The following SLC38A10 variants were observed in gnomAD, a reference collection of about 807,000 sequenced individuals.
SLC38A10 encodes Sodium-coupled neutral amino acid transporter 10.
Under a neutral mutation model 81.0 loss-of-function variants are expected in SLC38A10, and 53 were observed. That is an observed-to-expected ratio of 0.65 (90% CI 0.53 to 0.82). The LOEUF is 0.82. Ranked by LOEUF, SLC38A10 falls within the 40% of genes least tolerant of loss-of-function variation. SLC38A10 has a pLI of 0.00. For synonymous variants in SLC38A10, 665 were observed against 655.3 expected (o/e 1.01, Z -0.23); for missense variants, 1,471 against 1,545.0 (o/e 0.95, Z 0.80).
At chr17:81,278,482 C>G (rs561729370) in intron 6 of SLC38A10, among the ~76,000 whole-genome samples, 3 of 152,174 alleles carry the variant, frequency 2.0e-5, no homozygotes, top group African/African-American at 2.4e-5. Flanking sequence ...CCCATCAGGC[C>G]GCCCTCAGCA....
rs1165646055 is a variant in SLC38A10 at position 81,246,965 on chromosome 17, T to C, written c.2162A>G (p.Lys721Arg). The change falls in exon 15 of 16, where the codon AAG becomes AGG. Residue 721 changes from lysine to arginine, a missense_variant. Transcript: ENST00000374759. ...CTGCTCCTCGATCACCGCCAGCAGC[T>C]TCTCCTGCTGGTCCAGCAAGCGCTT... ...QQKRLLDQQE[K>R]LLAVIEEQHK... 1 of 1,607,320 alleles carries C rather than the reference T, an allele frequency of 6.2e-7. No homozygotes were observed. The highest frequency in any genetic ancestry group is 2.2e-5 in the East Asian group (1 of 44,882).
Position 81,251,293 on chromosome 17 carries a change from A to C in SLC38A10, c.2065+200T>G, listed in dbSNP as rs746722180. 1.9e-6 allele frequency: 3 copies of C among 1,612,852 alleles called. No homozygotes were observed. The South Asian group carries it at 3.3e-5, about 18-fold the overall frequency. On this transcript the variant is annotated intron_variant, in intron 14 of 15. Coordinates refer to ENST00000374759, the MANE Select transcript of SLC38A10 (RefSeq NM_001037984.3). ...GCAGGTGTTTAAAGGGGAGTAAGGCAGATAAAAGGTTCCCAGAAAGCAAGC... is the reference window on the plus strand; with the variant it reads ...GCAGGTGTTTAAAGGGGAGTAAGGCCGATAAAAGGTTCCCAGAAAGCAAGC...
chr17:81,249,277 A>G (rs1168852564), intron 14 of SLC38A10, among the ~76,000 whole-genome samples: 7 of 31,150 alleles, frequency 2.2e-4, no homozygotes, highest in African/African-American at 1.7e-3. Context: ...AGGAGGAGGA[A>G]GGAGGGAAGA....
rs762295813 is a variant in SLC38A10 at position 81,245,941 on chromosome 17, TC to T, written c.2974del (p.Asp992ThrfsTer50). 6 of 1,607,412 alleles carry T rather than the reference TC, an allele frequency of 3.7e-6. No individual in the cohort carries two copies. The highest frequency in any genetic ancestry group is 1.7e-5 in the Admixed American group (1 of 59,650). On this transcript the variant is annotated frameshift_variant, in exon 16 of 16. Coordinates refer to ENST00000374759, the MANE Select transcript of SLC38A10 (RefSeq NM_001037984.3). LOFTEE classifies it low-confidence loss of function (END_TRUNC). ...HLEMRKARGG[D>X]HVPVSHEQPR... is the part of the protein sequence containing the mutation. Reference sequence around the variant, plus strand: ...CTGCTCGTGGGACACAGGCACATGGTCCCCCCCGCGGGCCTTTCTCATCTCC... The same window carrying T: ...CTGCTCGTGGGACACAGGCACATGGTCCCCCCGCGGGCCTTTCTCATCTCC...
In SLC38A10 at chr17:81,253,127, G is replaced by A. The variant is rs761520901; in HGVS notation, c.1402C>T (p.Arg468Trp). 1.5e-5 allele frequency: 24 copies of A among 1,613,718 alleles called. No homozygotes were observed. Among genetic ancestry groups the A allele is most frequent in the Admixed American group, 3.3e-5 (2 of 59,996 alleles). ...QIKGPVDVPGREDGKEAPEEA... is the reference protein window; with the variant it reads ...QIKGPVDVPGWEDGKEAPEEA... The stretch of plus-strand genomic sequence containing the variant: ...TCCGGTGCCTCCTTGCCATCTTCCC[G>A]TCCAGGCACATCCACGGGCCCCTTG... Residue 468 changes from arginine (R) to tryptophan (W), a missense_variant, in exon 12 of 16, where the codon CGG becomes TGG. Arg to Trp is a moderately radical substitution (Grantham distance 101). Coordinates refer to ENST00000374759, the MANE Select transcript of SLC38A10 (RefSeq NM_001037984.3). The surrounding 1 kb of genome is among the most constrained non-coding windows in gnomAD (Gnocchi z 4.1).
chr17:81,250,453 A>G (rs2062900173), intron 14 of SLC38A10, among the ~76,000 whole-genome samples: 1 of 152,210 alleles, frequency 6.6e-6, no homozygotes, highest in Non-Finnish European at 1.5e-5. Context: ...ATGCGCGGGC[A>G]GGAAGCGTGT....
At chr17:81,284,925 C>A in intron 2 of SLC38A10, 30 bp from the exon 3 acceptor site, 1 of 1,535,194 alleles carries the variant, frequency 6.5e-7, no homozygotes, top group Non-Finnish European at 8.8e-7. Context: ...AACACTCAAT[C>A]CAACAGCGTG....
chr17:81,271,918 G>A (rs1306297625), intron 9 of SLC38A10, among the ~76,000 whole-genome samples: 3 of 151,822 alleles, frequency 2.0e-5, no homozygotes, highest in South Asian at 2.1e-4. Flanking sequence ...TAGTAGAGAC[G>A]GGGTTTCACC....
rs1002734560 is a variant in SLC38A10 at position 81,276,325 on chromosome 17, C to A, written c.730-174G>T. On this transcript the variant is annotated intron_variant, in intron 7 of 15. Coordinates refer to ENST00000374759, the MANE Select transcript of SLC38A10 (RefSeq NM_001037984.3). The surrounding 1 kb of genome is among the most constrained non-coding windows in gnomAD (Gnocchi z 4.7). Reference sequence around the variant, plus strand: ...GCCTTCCAGGGGCAAGGCACCATTTCGCCTCCTCCTTCTAAAAATCTCTAG... The same window carrying A: ...GCCTTCCAGGGGCAAGGCACCATTTAGCCTCCTCCTTCTAAAAATCTCTAG... 2.0e-5 allele frequency among the ~76,000 whole-genome samples: 3 copies of A among 152,078 alleles called. No homozygotes were observed. Among genetic ancestry groups the A allele is most frequent in the Non-Finnish European group, 4.4e-5 (3 of 68,016 alleles).
intron 15 of SLC38A10, 95 bp from the exon 16 acceptor site, chr17:81,246,768 C>G (rs1372822013): frequency 2.0e-6 from 3 of 1,499,580 alleles, no homozygotes; most frequent in East Asian, 2.3e-5. Context: ...GCATTGGGAA[C>G]CAAAACCAGA....
At chr17:81,275,358 C>T (rs2146932897) in intron 8 of SLC38A10, among the ~76,000 whole-genome samples, 2 of 152,256 alleles carry the variant, frequency 1.3e-5, no homozygotes, top group South Asian at 4.1e-4. Flanking sequence ...ACCAATATGG[C>T]CTACATCAAA....
intron 4 of SLC38A10, among the ~76,000 whole-genome samples, chr17:81,282,838 A>T (rs1306607293): frequency 2.0e-5 from 3 of 152,202 alleles, no homozygotes; most frequent in Non-Finnish European, 4.4e-5. Flanking sequence ...ACTCCTGGAG[A>T]GGACACCCCC....
intron 13 of SLC38A10, chr17:81,251,960 C>T: frequency 1.5e-6 from 1 of 654,678 alleles, no homozygotes; most frequent in Non-Finnish European, 2.4e-6. Flanking sequence ...CACAGCGCGG[C>T]ACCTGACATT....
intron 13 of SLC38A10, 172 bp from the exon 14 acceptor site, chr17:81,251,784 A>G (rs2062917312): frequency 1.5e-6 from 1 of 686,914 alleles, no homozygotes; most frequent in African/African-American, 1.8e-5. Flanking sequence ...GAAGCAATAA[A>G]AAAATATTTA....
rs987354234 is a variant in SLC38A10 at position 81,272,455 on chromosome 17, T to C, written c.1024+61A>G. 9 of 1,111,316 alleles carry C rather than the reference T, an allele frequency of 8.1e-6. No individual in the cohort carries two copies. In the African/African-American group the frequency reaches 1.8e-4, roughly 23 times the overall value. 68.8% of individuals were successfully genotyped at this position (1,111,316 alleles called of 1,614,324 possible). A position where few individuals can be genotyped will look rare whatever the true frequency, so the allele number is the denominator to read the frequency against. On this transcript the variant is annotated intron_variant, in intron 9 of 15. Transcript: ENST00000374759. Reference sequence around the variant, plus strand: ...TGCAGGTCTCGTAACTGTGCAGGTCTTGGTTGATGCCGAAGCCCCGGGTCC... The same window carrying C: ...TGCAGGTCTCGTAACTGTGCAGGTCCTGGTTGATGCCGAAGCCCCGGGTCC...
At chr17:81,248,101 A>G (rs184283484) in intron 14 of SLC38A10, among the ~76,000 whole-genome samples, 57 of 151,344 alleles carry the variant, frequency 3.8e-4, no homozygotes, top group African/African-American at 1.1e-3. Flanking sequence ...GGGACTACAG[A>G]CGCCCGCCAC....
Position 81,252,414 on chromosome 17 carries a change from C to T in SLC38A10, c.1726G>A (p.Asp576Asn). ...TCTGCTTCTGGAACTTTCTGGGGAT[C>T]TTCAGGAAGATCACCCGCCTCCTCC... Reference protein sequence around the residue: ...ALEEAGDLPEDPQKVPEADGQ... With the variant: ...ALEEAGDLPENPQKVPEADGQ... The change falls in exon 13 of 16, where the codon GAT (aspartate) becomes AAT (asparagine). Residue 576 changes from aspartate to asparagine, a missense_variant. Coordinates refer to ENST00000374759, the MANE Select transcript of SLC38A10 (RefSeq NM_001037984.3). The T allele has an allele frequency of 6.2e-7, 1 of 1,613,240 alleles. No homozygotes were observed. Among genetic ancestry groups the T allele is most frequent in the Non-Finnish European group, 8.5e-7 (1 of 1,180,018 alleles).
chr17:81,274,737 C>T (rs937777856), intron 8 of SLC38A10, among the ~76,000 whole-genome samples: 33 of 151,622 alleles, frequency 2.2e-4, no homozygotes, highest in Admixed American at 2.0e-4. Context: ...GACAGCCCCA[C>T]GCTCGGGGCG....
intron 10 of SLC38A10, among the ~76,000 whole-genome samples, chr17:81,267,325 A>G (rs1219290623): frequency 6.6e-6 from 1 of 152,222 alleles, no homozygotes; most frequent in Non-Finnish European, 1.5e-5. Context: ...AAAAAAATGA[A>G]GTCATTAAAG....
Sources: allele counts gnomAD v4.1 joint callset (sites outside exome capture counted in the v4.1 genomes callset), GRCh38; gene constraint gnomAD v4.1.1; non-coding constraint Gnocchi (gnomAD v3.1); transcripts MANE v1.5; gene names NCBI Gene and HGNC (gene_info 2026-07-23, HGNC 2026-07-21).